RSRC1: variants seen among roughly 807,000 people sequenced by gnomAD.
RSRC1 encodes arginine and serine rich coiled-coil 1.
A neutral mutation model predicts 49.1 loss-of-function variants in RSRC1; 39 were observed. The observed-to-expected ratio is 0.79, with a 90% CI of 0.61 to 1.04. RSRC1 has a LOEUF of 1.04. Among genes scored for constraint, RSRC1 ranks in the 50% least tolerant of loss-of-function variants. The pLI is 0.00. For missense variants in RSRC1, 388 were observed against 402.4 expected (o/e 0.96, Z 0.31); for synonymous variants, 143 against 130.8 (o/e 1.09, Z -0.63).
chr3:158,420,967 A>G (rs1735012760), intron 6 of RSRC1, among the ~76,000 whole-genome samples: 1 of 151,938 alleles, frequency 6.6e-6, no homozygotes, highest in South Asian at 2.1e-4. Context: ...ATGTGCAGTG[A>G]AGCAAAAGGA....
intron 9 of RSRC1, 46 bp downstream of exon 9, chr3:158,543,533 T>C: frequency 1.9e-6 from 3 of 1,552,124 alleles, no homozygotes; most frequent in Non-Finnish European, 2.6e-6. Flanking sequence ...TCTAATTTAC[T>C]GAAATTATTT....
At chr3:158,227,359 C>T (rs186299805) in intron 4 of RSRC1, among the ~76,000 whole-genome samples, 162 of 151,988 alleles carry the variant, frequency 1.1e-3, no homozygotes, top group African/African-American at 3.5e-3. Context: ...CTTCTTTCCG[C>T]CGATTTTCTT....
At chr3:158,424,787 T>C (rs1425051406) in intron 6 of RSRC1, among the ~76,000 whole-genome samples, 1 of 152,194 alleles carries the variant, frequency 6.6e-6, no homozygotes, top group South Asian at 2.1e-4. Flanking sequence ...GAGATTCAAC[T>C]TCTTCCTGGC....
chr3:158,289,846 A>G (rs1274675362), intron 4 of RSRC1, among the ~76,000 whole-genome samples: 2 of 152,212 alleles, frequency 1.3e-5, no homozygotes, highest in Non-Finnish European at 2.9e-5. Context: ...CAAATAGAAC[A>G]TAAGAATGTC....
chr3:158,514,415 AGTTGAGCG>A, intron 7 of RSRC1, among the ~76,000 whole-genome samples: 1 of 152,148 alleles, frequency 6.6e-6, no homozygotes, highest in Non-Finnish European at 1.5e-5. Flanking sequence ...GTTTCCATGT[AGTTGAGCG>A]GTTTTGAGTG....
At chr3:158,441,580 T>G (rs1301410220) in intron 6 of RSRC1, among the ~76,000 whole-genome samples, 1 of 152,130 alleles carries the variant, frequency 6.6e-6, no homozygotes, top group Non-Finnish European at 1.5e-5. Flanking sequence ...AATAAACTTG[T>G]GTATTCTCTT....
chr3:158,520,302 A>G (rs951405043), intron 7 of RSRC1, among the ~76,000 whole-genome samples: 4 of 152,180 alleles, frequency 2.6e-5, no homozygotes, highest in Non-Finnish European at 1.5e-5. Flanking sequence ...CTAGACAGAC[A>G]CAAAGAAATA....
chr3:158,427,124 G>A (rs1735489154), intron 6 of RSRC1, among the ~76,000 whole-genome samples: 1 of 151,650 alleles, frequency 6.6e-6, no homozygotes, highest in African/African-American at 2.4e-5. Flanking sequence ...TGTAGAACAG[G>A]CTATTCCTAC....
intron 6 of RSRC1, among the ~76,000 whole-genome samples, chr3:158,390,412 A>G (rs975042015): frequency 6.6e-6 from 1 of 152,194 alleles, no homozygotes; most frequent in African/African-American, 2.4e-5. Context: ...GCATGTATCT[A>G]TGTCCTGGCA....
intron 7 of RSRC1, among the ~76,000 whole-genome samples, chr3:158,500,494 C>A (rs574889634): frequency 2.0e-5 from 3 of 151,594 alleles, no homozygotes; most frequent in Non-Finnish European, 4.4e-5. Context: ...TGGTCCTGGG[C>A]TTTTTTTTGT....
intron 6 of RSRC1, among the ~76,000 whole-genome samples, chr3:158,366,134 G>T (rs989212862): frequency 1.3e-5 from 2 of 152,210 alleles, no homozygotes; most frequent in Admixed American, 1.3e-4. Flanking sequence ...TTGCTGTGCA[G>T]AAGCTCTTTA....
At chr3:158,483,077 A>G (rs780021947) in intron 7 of RSRC1, among the ~76,000 whole-genome samples, 16 of 151,986 alleles carry the variant, frequency 1.1e-4, no homozygotes, top group Non-Finnish European at 2.1e-4. Flanking sequence ...TTTAATTATC[A>G]TACTCCCAGT....
intron 3 of RSRC1, among the ~76,000 whole-genome samples, chr3:158,124,794 C>G (rs1037170334): frequency 1.0e-4 from 15 of 148,698 alleles, no homozygotes; most frequent in African/African-American, 3.7e-4. Flanking sequence ...TATTACGCTT[C>G]TGGTATTTTT....
chr3:158,399,957 GTGAAAACAT>G (rs1433449410), intron 6 of RSRC1, among the ~76,000 whole-genome samples: 1 of 152,112 alleles, frequency 6.6e-6, no homozygotes, highest in Non-Finnish European at 1.5e-5. Context: ...AGAAAGAACA[GTGAAAACAT>G]TGATAAAGGA....
rs777919324 is a variant in RSRC1 at position 158,544,234 on chromosome 3, G to T, written c.964G>T (p.Ala322Ser). 44 of 1,612,560 alleles carry T rather than the reference G, an allele frequency of 2.7e-5. 1 individual carries two copies. In the South Asian group the frequency reaches 4.5e-4, roughly 17 times the overall value. Reference protein sequence around the residue: ...AEEKWFKRLIALRQERLMGSP... With the variant: ...AEEKWFKRLISLRQERLMGSP... ...GGAAAAATGGTTCAAGAGATTAATT[G>T]CTCTCCGACAAGAAAGACTAATGGG... Residue 322 changes from alanine to serine, a missense_variant, in exon 10 of 10, where the codon GCT becomes TCT. By Grantham distance (99) the Ala-to-Ser change is moderately conservative. Coordinates refer to ENST00000611884, the MANE Select transcript of RSRC1 (RefSeq NM_001271838.2).
At chr3:158,517,972 CT>C (rs1740667584) in intron 7 of RSRC1, among the ~76,000 whole-genome samples, 1 of 148,550 alleles carries the variant, frequency 6.7e-6, no homozygotes, top group African/African-American at 2.5e-5. Flanking sequence ...AATATATCTT[CT>C]GTGTTAAACT....
chr3:158,224,125 TG>T (rs1311379611), intron 4 of RSRC1, among the ~76,000 whole-genome samples: 1 of 151,820 alleles, frequency 6.6e-6, no homozygotes, highest in Non-Finnish European at 1.5e-5. Flanking sequence ...GATGCATAAA[TG>T]GTACTGAAGT....
chr3:158,122,333 G>T, intron 2 of RSRC1, 35 bp downstream of exon 2: 2 of 1,318,696 alleles, frequency 1.5e-6, no homozygotes, highest in South Asian at 1.6e-5. Context: ...ATAGTAATGA[G>T]GATAACATTC....
At chr3:158,380,484 TAAAA>T (rs1309094510) in intron 6 of RSRC1, among the ~76,000 whole-genome samples, 1 of 152,170 alleles carries the variant, frequency 6.6e-6, no homozygotes, top group Non-Finnish European at 1.5e-5. Flanking sequence ...TTTAAACAAT[TAAAA>T]AATAAAGATA....
Sources: allele counts gnomAD v4.1 joint callset (sites outside exome capture counted in the v4.1 genomes callset), GRCh38; gene constraint gnomAD v4.1.1; transcripts MANE v1.5; gene names NCBI Gene and HGNC (gene_info 2026-07-23, HGNC 2026-07-21).